RMDN1: variants seen among roughly 807,000 people sequenced by gnomAD.
The protein encoded by RMDN1 is regulator of microtubule dynamics protein 1.
A neutral mutation model predicts 48.9 loss-of-function variants in RMDN1; 48 were observed. That is an observed-to-expected ratio of 0.98 (90% CI 0.78 to 1.25). RMDN1 has a LOEUF of 1.25. Ranked by LOEUF, RMDN1 falls within the 50% of genes most tolerant of loss-of-function variation. The pLI, the probability that RMDN1 is intolerant of heterozygous loss-of-function variation, is 0.00. For missense variants in RMDN1, 418 were observed against 373.4 expected, an observed-to-expected ratio of 1.12 and a Z score of -0.98; for synonymous variants, 148 against 132.6, an observed-to-expected ratio of 1.12 and a Z score of -0.80.
chr8:86,513,502 G>A (rs1207185445), upstream of RMDN1, among the ~76,000 whole-genome samples: 1 of 152,064 alleles, frequency 6.6e-6, no homozygotes, highest in Non-Finnish European at 1.5e-5. Flanking sequence ...CTAAATTATC[G>A]AGCAGTCATG....
chr8:86,469,253 T>A (rs972390964), downstream of RMDN1, among the ~76,000 whole-genome samples: 1 of 151,932 alleles, frequency 6.6e-6, no homozygotes, highest in East Asian at 1.9e-4. Context: ...CCTGATGACT[T>A]CTGTTAACTA....
At chr8:86,504,963 T>G in intron 2 of RMDN1, 1 of 1,373,924 alleles carries the variant, frequency 7.3e-7, no homozygotes, top group Non-Finnish European at 1.0e-6. Flanking sequence ...GGATATCACA[T>G]GGGCCTTTAA....
chr8:86,472,319 C>G (rs1365168535), downstream of RMDN1: 5 of 647,520 alleles, frequency 7.7e-6, no homozygotes, highest in African/African-American at 3.6e-5. Context: ...AATTCCACAT[C>G]TGACCTCACA....
chr8:86,477,983 C>T (rs905336389), intron 7 of RMDN1: 2 of 151,988 alleles, frequency 1.3e-5, no homozygotes, highest in East Asian at 3.9e-4. Flanking sequence ...ACCTCCCAGG[C>T]TCAAGTGATC....
At chr8:86,513,701 A>C (rs1470179108) in intron 1 of RMDN1, among the ~76,000 whole-genome samples, 2 of 152,236 alleles carry the variant, frequency 1.3e-5, no homozygotes, top group East Asian at 3.8e-4. Flanking sequence ...ACTGGCACCA[A>C]ATACATCACA....
intron 2 of RMDN1, among the ~76,000 whole-genome samples, chr8:86,501,592 G>A (rs1327732596): frequency 6.6e-6 from 1 of 151,926 alleles, no homozygotes; most frequent in Admixed American, 6.6e-5. Context: ...AGAATCACCC[G>A]GGCCCGGGGA....
rs1283599391 is a variant in RMDN1 at position 86,474,000 on chromosome 8, T to C, written c.*308A>G. 4 of 1,081,942 alleles carry C rather than the reference T, an allele frequency of 3.7e-6. No homozygotes were observed. The Admixed American group carries it at 1.9e-4, about 52-fold the overall frequency. The allele number at this position is 1,081,942 out of a possible 1,614,324, so 67.0% of individuals were successfully genotyped here. On this transcript the variant is annotated 3_prime_UTR_variant, in exon 10 of 10. Coordinates refer to ENST00000406452, the MANE Select transcript of RMDN1 (RefSeq NM_016033.3). ...CCATTTCCCCTCCTCTACAAATATT[T>C]CTTTGCTTGATCTCCCATCCCAATG... is the stretch of plus-strand genomic sequence containing the variant.
rs980050231 is a variant in RMDN1 at position 86,477,132 on chromosome 8, G to T, written c.760+162C>A. 5.7e-5 allele frequency among the ~76,000 whole-genome samples: 7 copies of T among 122,774 alleles called. No homozygotes were observed. In the South Asian group the frequency reaches 1.7e-3, roughly 30 times the overall value. The allele number at this position is 122,774 out of a possible 152,430, so 80.5% of individuals were successfully genotyped here. On this transcript the variant is annotated intron_variant, in intron 8 of 9. Coordinates refer to ENST00000406452, the MANE Select transcript of RMDN1 (RefSeq NM_016033.3). Reference sequence around the variant, plus strand: ...CAATAGCAGCCTATTTCTCATTCAGGTGATCTTTACTGAATAAAGACTTTA... The same window carrying T: ...CAATAGCAGCCTATTTCTCATTCAGTTGATCTTTACTGAATAAAGACTTTA...
At chr8:86,487,780 A>C (rs1314475924) in intron 3 of RMDN1, among the ~76,000 whole-genome samples, 1 of 152,180 alleles carries the variant, frequency 6.6e-6, no homozygotes, top group Non-Finnish European at 1.5e-5. Flanking sequence ...AAATGACAAT[A>C]AAATGCCAAA....
At chr8:86,497,759 T>C (rs1329864033) in intron 2 of RMDN1, among the ~76,000 whole-genome samples, 1 of 145,672 alleles carries the variant, frequency 6.9e-6, no homozygotes, top group African/African-American at 2.5e-5. Flanking sequence ...CAGATAAACA[T>C]AATCAGAATG....
At chr8:86,474,404 G>A (rs1175988440) in intron 9 of RMDN1, 46 bp from the exon 10 acceptor site, 3 of 1,455,500 alleles carry the variant, frequency 2.1e-6, no homozygotes, top group East Asian at 2.3e-5. Context: ...AGAGCTAAGA[G>A]ACTAACTTGT....
At chr8:86,470,347 T>C (rs1336092259), downstream of RMDN1, 1 of 1,289,158 alleles carries the variant, frequency 7.8e-7, no homozygotes, top group African/African-American at 1.5e-5. Context: ...TTGTTCTCAG[T>C]AATGGGTCTC....
chr8:86,471,018 T>G (rs1812511482), downstream of RMDN1, among the ~76,000 whole-genome samples: 1 of 152,098 alleles, frequency 6.6e-6, no homozygotes, highest in Admixed American at 6.6e-5. Context: ...ACAAGAGCAT[T>G]TAAAAGTGGT....
At chr8:86,487,385 C>T (rs925434406) in intron 3 of RMDN1, among the ~76,000 whole-genome samples, 1 of 152,168 alleles carries the variant, frequency 6.6e-6, no homozygotes, top group Non-Finnish European at 1.5e-5. Context: ...GGGCAGATCA[C>T]CTGAGGTCAG....
chr8:86,496,141 G>T (rs531065345), intron 2 of RMDN1, among the ~76,000 whole-genome samples: 1 of 152,266 alleles, frequency 6.6e-6, no homozygotes, highest in African/African-American at 2.4e-5. Context: ...CTTACAAGAG[G>T]TCCTTAAAGG....
upstream of RMDN1, chr8:86,508,838 T>G: frequency 7.9e-7 from 1 of 1,258,320 alleles, no homozygotes. Context: ...TTAATGGACT[T>G]TCCGCGCCTG....
chr8:86,504,017 CT>C, intron 2 of RMDN1: 1 of 784,688 alleles, frequency 1.3e-6, no homozygotes, highest in South Asian at 1.3e-5. Context: ...GAGATCTCAG[CT>C]ACTGCCCTGC....
intron 5 of RMDN1, chr8:86,484,656 T>C (rs1815149277): frequency 3.3e-6 from 1 of 300,072 alleles, no homozygotes; most frequent in Non-Finnish European, 6.1e-6. Flanking sequence ...AGGCGGAGGT[T>C]GTAGTGAGCT....
At chr8:86,468,293 C>A, downstream of RMDN1, 1 of 403,012 alleles carries the variant, frequency 2.5e-6, no homozygotes, top group Non-Finnish European at 4.8e-6. Flanking sequence ...TTTTATTTTT[C>A]TACATATTGA....
Sources: gnomAD v4.1 joint callset for allele counts (sites outside exome capture counted in the v4.1 genomes callset) on GRCh38, gnomAD v4.1.1 for gene constraint, MANE v1.5 for transcripts, NCBI Gene and HGNC (gene_info 2026-07-23, HGNC 2026-07-21) for gene names.